MSH3: variants seen among roughly 807,000 people sequenced by gnomAD.
MSH3 encodes the protein mutS homolog 3, also known as DNA mismatch repair protein Msh3.
MSH3 carries 106 observed loss-of-function variants against 123.3 expected under a neutral mutation model. The ratio of observed to expected loss-of-function variants is 0.86; its 90% CI spans 0.73 to 1.01. The LOEUF is 1.01. Ranked by LOEUF, MSH3 falls within the 50% of genes least tolerant of loss-of-function variation. The pLI, the probability that MSH3 is intolerant of heterozygous loss-of-function variation, is 0.00. For synonymous variants in MSH3, 515 were observed against 481.4 expected (o/e 1.07, Z -0.91); for missense variants, 1,459 against 1,347.6 (o/e 1.08, Z -1.29).
chr5:80,721,149 C>T (rs1325121800), intron 8 of MSH3, among the ~76,000 whole-genome samples: 3 of 152,160 alleles, frequency 2.0e-5, no homozygotes, highest in African/African-American at 7.2e-5. Flanking sequence ...ATTTCTTTCA[C>T]AAAATATGAT....
At chr5:80,664,702 G>A (rs1749525145) in intron 2 of MSH3, among the ~76,000 whole-genome samples, 1 of 152,078 alleles carries the variant, frequency 6.6e-6, no homozygotes, top group Non-Finnish European at 1.5e-5. Flanking sequence ...TAATTCCTGA[G>A]TCTTTTGAGC....
At chr5:80,778,955 G>T in intron 17 of MSH3, 119 bp downstream of exon 17, 1 of 632,610 alleles carries the variant, frequency 1.6e-6, no homozygotes, top group Non-Finnish European at 2.8e-6. Flanking sequence ...AAATAGTTGA[G>T]TACATGTGTT....
rs374353582 is a variant in MSH3 at position 80,736,212 on chromosome 5, C to T, written c.1569-5252C>T. Among the ~76,000 whole-genome samples, 31 of 151,762 alleles carry T rather than the reference C, an allele frequency of 2.0e-4. No individual in the cohort carries two copies. The East Asian group carries it at 4.5e-3, about 22-fold the overall frequency. ...TTGCACTCCAACCTGGGTGACTGAG[C>T]GAGACTCCGTCCCTCACCCACCCAC... On this transcript the variant is annotated intron_variant, in intron 10 of 23. Coordinates refer to ENST00000265081, the MANE Select transcript of MSH3 (RefSeq NM_002439.5).
chr5:80,727,659 T>G lies in MSH3; in HGVS notation c.1454-1192T>G, dbSNP rs957819507. Among the ~76,000 whole-genome samples the G allele has an allele frequency of 2.8e-4, 43 of 152,220 alleles. 1 individual carries two copies. Among genetic ancestry groups the G allele is most frequent in the African/African-American group, 9.9e-4 (41 of 41,444 alleles). ...ACTGGGATTTATTCGTTCAGCTAAT[T>G]TTTTGAATGCCTATTATATGCCAGG... On this transcript the variant is annotated intron_variant, in intron 9 of 23. Coordinates refer to ENST00000265081, the MANE Select transcript of MSH3 (RefSeq NM_002439.5).
intron 19 of MSH3, among the ~76,000 whole-genome samples, chr5:80,810,704 T>A (rs188370582): frequency 1.3e-5 from 2 of 152,306 alleles, no homozygotes; most frequent in African/African-American, 4.8e-5. Flanking sequence ...AGCATTATAA[T>A]ACTGAGTCAT....
rs1017283799 is a variant in MSH3, at chr5:80,738,877, CTTATA to C, written c.1569-2583_1569-2579del. 5.3e-5 allele frequency among the ~76,000 whole-genome samples: 8 copies of C among 152,216 alleles called. No homozygotes were observed. The South Asian group carries it at 1.0e-3, about 20-fold the overall frequency. On this transcript the variant is annotated intron_variant, in intron 10 of 23. Coordinates refer to ENST00000265081, the MANE Select transcript of MSH3 (RefSeq NM_002439.5). The stretch of plus-strand genomic sequence containing the variant: ...ATCGTTTGTAAATGGGATTAATGCC[CTTATA>C]TTAATAGAAAAGACTTAAAGGAACT...
chr5:80,818,065 A>G (rs373095500), intron 20 of MSH3, among the ~76,000 whole-genome samples: 1 of 152,112 alleles, frequency 6.6e-6, no homozygotes, highest in African/African-American at 2.4e-5. Flanking sequence ...CTAAAAATAT[A>G]AAAAATAGCC....
At chr5:80,731,628 T>G (rs1743415120) in intron 10 of MSH3, among the ~76,000 whole-genome samples, 1 of 152,108 alleles carries the variant, frequency 6.6e-6, no homozygotes, top group Admixed American at 6.5e-5. Context: ...GAAACCAAGA[T>G]TAATAAAGAT....
rs535263271 is a variant in MSH3, at chr5:80,728,714, T to C, written c.1454-137T>C. The C allele has an allele frequency of 2.2e-5, 13 of 581,228 alleles. 1 individual carries two copies. In the East Asian group the frequency reaches 3.7e-4, roughly 17 times the overall value. The allele number at this position is 581,228 out of a possible 1,614,324, so 36.0% of individuals were successfully genotyped here. On this transcript the variant is annotated intron_variant, in intron 9 of 23. Coordinates refer to ENST00000265081, the MANE Select transcript of MSH3 (RefSeq NM_002439.5). ...TTTTAGGAGATATTGTCCAAATTAT[T>C]ATTTTGGTAACCATTAAGTTTTACT... is the stretch of plus-strand genomic sequence containing the variant.
chr5:80,739,559 C>T (rs546458221), intron 10 of MSH3, among the ~76,000 whole-genome samples: 1 of 152,254 alleles, frequency 6.6e-6, no homozygotes, highest in South Asian at 2.1e-4. Context: ...AGGGTAGAGG[C>T]ACAACATAAA....
chr5:80,813,341 G>A (rs1745041945), intron 19 of MSH3, among the ~76,000 whole-genome samples: 1 of 152,222 alleles, frequency 6.6e-6, no homozygotes, highest in Non-Finnish European at 1.5e-5. Flanking sequence ...GAAAGCCATA[G>A]CAGTTATCCA....
intron 19 of MSH3, among the ~76,000 whole-genome samples, chr5:80,793,292 G>A (rs1452104231): frequency 6.6e-6 from 1 of 152,182 alleles, no homozygotes; most frequent in Non-Finnish European, 1.5e-5. Flanking sequence ...TAACACAAAT[G>A]ATCCTGAATA....
At chr5:80,701,012 A>T (rs1233122008) in intron 8 of MSH3, among the ~76,000 whole-genome samples, 1 of 152,230 alleles carries the variant, frequency 6.6e-6, no homozygotes, top group Non-Finnish European at 1.5e-5. Flanking sequence ...ATTTAATTGC[A>T]TAAAGACTCT....
At chr5:80,691,305 T>C (rs1033285549) in intron 8 of MSH3, among the ~76,000 whole-genome samples, 1 of 151,376 alleles carries the variant, frequency 6.6e-6, no homozygotes, top group Non-Finnish European at 1.5e-5. Flanking sequence ...CAGCAACAAA[T>C]AGAAAATGAA....
At chr5:80,702,097 A>G (rs1281862182) in intron 8 of MSH3, among the ~76,000 whole-genome samples, 1 of 152,154 alleles carries the variant, frequency 6.6e-6, no homozygotes, top group African/African-American at 2.4e-5. Context: ...TATTAATATA[A>G]ATTGACTTAA....
In MSH3 at chr5:80,684,337, G is replaced by C. The variant is rs1000980027; in HGVS notation, c.1340+5244G>C. Among the ~76,000 whole-genome samples the C allele has an allele frequency of 3.3e-5, 5 of 151,818 alleles. No homozygotes were observed. The South Asian group carries it at 1.0e-3, about 32-fold the overall frequency. ...TGTAATATCTTTCCCTTTTTTGTGT[G>C]TTCTCTTCAATGTTTTACATCAGTG... On this transcript the variant is annotated intron_variant, in intron 8 of 23. Coordinates refer to ENST00000265081, the MANE Select transcript of MSH3 (RefSeq NM_002439.5).
At chr5:80,672,664 C>A in intron 5 of MSH3, 77 bp from the exon 6 acceptor site, 1 of 1,130,968 alleles carries the variant, frequency 8.8e-7, no homozygotes, top group Non-Finnish European at 1.3e-6. Context: ...TCAGAATTGA[C>A]GTTTAAACAT....
At chr5:80,826,132 T>C (rs1745295027) in intron 20 of MSH3, among the ~76,000 whole-genome samples, 1 of 152,226 alleles carries the variant, frequency 6.6e-6, no homozygotes, top group Admixed American at 6.5e-5. Flanking sequence ...CGGTGCTAGT[T>C]AAAAATGCTA....
At chr5:80,841,131 C>T (rs1392315774) in intron 20 of MSH3, among the ~76,000 whole-genome samples, 1 of 152,096 alleles carries the variant, frequency 6.6e-6, no homozygotes, top group East Asian at 1.9e-4. Context: ...GTTCAGTTCC[C>T]ACCTATGAGT....
Sources: allele counts gnomAD v4.1 joint callset (sites outside exome capture counted in the v4.1 genomes callset), GRCh38; gene constraint gnomAD v4.1.1; transcripts MANE v1.5; gene names NCBI Gene and HGNC (gene_info 2026-07-23, HGNC 2026-07-21).